PTPRT: variants seen among roughly 807,000 people sequenced by gnomAD.
PTPRT encodes protein tyrosine phosphatase receptor type T.
Under a neutral mutation model 176.8 loss-of-function variants are expected in PTPRT, and 56 were observed. The ratio of observed to expected loss-of-function variants is 0.32; its 90% CI spans 0.26 to 0.40. PTPRT has a LOEUF of 0.40. Ranked by LOEUF, PTPRT falls within the 10% of genes least tolerant of loss-of-function variation. PTPRT has a pLI of 1.00. For missense variants in PTPRT, 1,540 were observed against 1,908.2 expected (o/e 0.81, Z 3.60); for synonymous variants, 783 against 739.0 (o/e 1.06, Z -0.96).
chr20:42,529,111 GT>G (rs1568952599), intron 7 of PTPRT, among the ~76,000 whole-genome samples: 1 of 152,102 alleles, frequency 6.6e-6, no homozygotes, highest in East Asian at 1.9e-4. Context: ...TTAAATTAAC[GT>G]GCTCAAGTTT....
chr20:43,090,287 A>C (rs1251736902), intron 1 of PTPRT, among the ~76,000 whole-genome samples: 1 of 145,536 alleles, frequency 6.9e-6, no homozygotes, highest in African/African-American at 2.6e-5. Flanking sequence ...TTTTTTTTTG[A>C]GATGGAGTCT....
intron 7 of PTPRT, among the ~76,000 whole-genome samples, chr20:42,478,065 T>G (rs554981873): frequency 6.6e-6 from 1 of 152,342 alleles, no homozygotes; most frequent in East Asian, 1.9e-4. Context: ...TCCTTTGTTC[T>G]GTCCTTCCTG....
chr20:43,074,775 G>T (rs1365859283), intron 1 of PTPRT, among the ~76,000 whole-genome samples: 1 of 152,106 alleles, frequency 6.6e-6, no homozygotes, highest in Non-Finnish European at 1.5e-5. Context: ...TCATTTAATC[G>T]AGTAGCTAGA....
chr20:42,658,122 A>G (rs2075159830), intron 7 of PTPRT, among the ~76,000 whole-genome samples: 1 of 152,158 alleles, frequency 6.6e-6, no homozygotes, highest in African/African-American at 2.4e-5. Flanking sequence ...ATTACTGAAT[A>G]TTGAACCCAT....
At chr20:42,434,589 A>T in intron 9 of PTPRT, among the ~76,000 whole-genome samples, 1 of 151,242 alleles carries the variant, frequency 6.6e-6, no homozygotes, top group Non-Finnish European at 1.5e-5. Flanking sequence ...ATGCTAAGAG[A>T]TACTTCTGTT....
At chr20:43,181,317 TG>T (rs1303270512) in intron 1 of PTPRT, among the ~76,000 whole-genome samples, 4 of 152,128 alleles carry the variant, frequency 2.6e-5, no homozygotes, top group African/African-American at 9.7e-5. Flanking sequence ...GCCACTGCAT[TG>T]GGGGAGTGAC....
chr20:42,723,595 C>T (rs1046882177), intron 6 of PTPRT, among the ~76,000 whole-genome samples: 1 of 152,158 alleles, frequency 6.6e-6, no homozygotes. Flanking sequence ...ATCCTCAGGG[C>T]CTGCATAATA....
At chr20:42,246,282 C>T (rs1232457519) in intron 14 of PTPRT, among the ~76,000 whole-genome samples, 1 of 151,936 alleles carries the variant, frequency 6.6e-6, no homozygotes, top group African/African-American at 2.4e-5. Flanking sequence ...TTCAATTTCT[C>T]TCTTCCTCCC....
chr20:42,484,460 G>A (rs1402536687), intron 7 of PTPRT, among the ~76,000 whole-genome samples: 3 of 152,210 alleles, frequency 2.0e-5, no homozygotes, highest in Middle Eastern at 3.4e-3. Context: ...TGCCACTTTC[G>A]TTGCCTGTTC....
At chr20:42,140,889 T>G (rs1283698298) in intron 18 of PTPRT, among the ~76,000 whole-genome samples, 1 of 151,816 alleles carries the variant, frequency 6.6e-6, no homozygotes, top group Non-Finnish European at 1.5e-5. Context: ...GTAGCAAGAG[T>G]TTTATGTACC....
chr20:42,515,176 AT>A (rs1186442977), intron 7 of PTPRT, among the ~76,000 whole-genome samples: 4 of 152,102 alleles, frequency 2.6e-5, no homozygotes, highest in East Asian at 1.9e-4. Context: ...CAATTTTATA[AT>A]TTTTTTTCAT....
chr20:42,601,736 A>G (rs1306577075), intron 7 of PTPRT, among the ~76,000 whole-genome samples: 1 of 152,220 alleles, frequency 6.6e-6, no homozygotes, highest in Non-Finnish European at 1.5e-5. Flanking sequence ...ATACATCTCA[A>G]TAAATCATTA....
chr20:42,537,514 A>C (rs1186202173), intron 7 of PTPRT, among the ~76,000 whole-genome samples: 1 of 152,176 alleles, frequency 6.6e-6, no homozygotes, highest in African/African-American at 2.4e-5. Flanking sequence ...CTGAAAGGGA[A>C]ATTATGTTTT....
chr20:43,079,800 C>T (rs957160490), intron 1 of PTPRT, among the ~76,000 whole-genome samples: 33 of 152,072 alleles, frequency 2.2e-4, no homozygotes, highest in East Asian at 1.9e-4. Flanking sequence ...TGATGTTATA[C>T]GCAAATAAAC....
At chr20:42,271,403 G>C (rs1358050505) in intron 13 of PTPRT, among the ~76,000 whole-genome samples, 1 of 152,158 alleles carries the variant, frequency 6.6e-6, no homozygotes, top group African/African-American at 2.4e-5. Context: ...GTGAATCTGG[G>C]ACAGATGCCC....
chr20:43,036,579 AC>A (rs1401546242), intron 1 of PTPRT, among the ~76,000 whole-genome samples: 6 of 148,856 alleles, frequency 4.0e-5, no homozygotes, highest in African/African-American at 7.6e-5. Context: ...ACAAAAAAAA[AC>A]CCCATGAATT....
At chr20:42,798,558 G>C (rs1308111408) in intron 2 of PTPRT, among the ~76,000 whole-genome samples, 1 of 151,946 alleles carries the variant, frequency 6.6e-6, no homozygotes, top group Non-Finnish European at 1.5e-5. Context: ...TCAAAAAAAA[G>C]AAATCTGCTG....
rs1317978731 is a variant in PTPRT at position 42,618,169 on chromosome 20, CT to C, written c.1153+59696del. Among the ~76,000 whole-genome samples the C allele has an allele frequency of 3.2e-5, 4 of 126,792 alleles. 1 individual carries two copies. The highest frequency in any genetic ancestry group is 6.4e-5 in the Non-Finnish European group (4 of 62,044). 83.2% of individuals were successfully genotyped at this position (126,792 alleles called of 152,430 possible). On this transcript the variant is annotated intron_variant, in intron 7 of 30. Coordinates refer to ENST00000373187, the MANE Select transcript of PTPRT (RefSeq NM_007050.6). ...TGTTCTCGTTGGTTTCAAAGAACAT[CT>C]TTATTTCTGCCTTCATTTCGTTATG...
At chr20:42,797,403 C>T (rs372042012) in intron 2 of PTPRT, among the ~76,000 whole-genome samples, 61 of 152,286 alleles carry the variant, frequency 4.0e-4, no homozygotes, top group African/African-American at 1.3e-3. Context: ...GACATGTTCT[C>T]GACTTCCATT....
Sources: gnomAD v4.1 joint callset for allele counts (sites outside exome capture counted in the v4.1 genomes callset) on GRCh38, gnomAD v4.1.1 for gene constraint, MANE v1.5 for transcripts, NCBI Gene and HGNC (gene_info 2026-07-23, HGNC 2026-07-21) for gene names.